FAM135B: variants seen among roughly 807,000 people sequenced by gnomAD.
The protein encoded by FAM135B is protein FAM135B.
Under a neutral mutation model 127.7 loss-of-function variants are expected in FAM135B, and 43 were observed. The ratio of observed to expected loss-of-function variants is 0.34; its 90% confidence interval spans 0.26 to 0.43. FAM135B has a LOEUF of 0.43. Among genes scored for constraint, FAM135B ranks in the 20% least tolerant of loss-of-function variants. The pLI is 1.00. For missense variants in FAM135B, 1,558 were observed against 1,725.6 expected (o/e 0.90, Z 1.72); for synonymous variants, 670 against 665.1 (o/e 1.01, Z -0.11).
At position 138,242,992 on chromosome 8, in the gene FAM135B, G is replaced by C. The variant is rs2130383885; in HGVS notation, c.619C>G (p.Leu207Val). 6.2e-7 allele frequency: 1 copy of C among 1,613,954 alleles called. No homozygotes were observed. Among genetic ancestry groups the C allele is most frequent in the Non-Finnish European group, 8.5e-7 (1 of 1,179,932 alleles). Residue 207 changes from leucine (L) to valine (V), a missense_variant, in exon 7 of 20, where the codon CTG (leucine) becomes GTG (valine). Leu to Val is a conservative substitution (Grantham distance 32). Coordinates refer to ENST00000395297, the MANE Select transcript of FAM135B (RefSeq NM_015912.4). The surrounding 1 kb of genome is among the most constrained non-coding windows in gnomAD (Gnocchi z 9.6). ...CCAGCTCCAAAGACCAAGTTTTCCA[G>C]AGAAATGATAGACTGTTCTTGTCCG... ...DTGQEQSIISLENLVFGAGYC... is the reference protein window; with the variant it reads ...DTGQEQSIISVENLVFGAGYC...
At chr8:138,438,044 C>A (rs895166855) in intron 1 of FAM135B, 1 of 152,170 alleles carries the variant, frequency 6.6e-6, no homozygotes, top group Non-Finnish European at 1.5e-5. Flanking sequence ...CCTGTAAAAA[C>A]ACCCGAGAGT....
chr8:138,202,084 C>A (rs2131171867), intron 7 of FAM135B, among the ~76,000 whole-genome samples: 1 of 143,886 alleles, frequency 6.9e-6, no homozygotes, highest in Non-Finnish European at 1.5e-5. Context: ...AAGATCACGC[C>A]ATTGCACTCC....
intron 1 of FAM135B, among the ~76,000 whole-genome samples, chr8:138,409,966 T>G (rs983257474): frequency 6.6e-5 from 10 of 151,718 alleles, no homozygotes; most frequent in Admixed American, 5.3e-4. Flanking sequence ...AGCTAGGACT[T>G]GAACCCCAAA....
At chr8:138,478,061 G>C (rs1043696902) in intron 1 of FAM135B, among the ~76,000 whole-genome samples, 2 of 152,128 alleles carry the variant, frequency 1.3e-5, no homozygotes, top group Non-Finnish European at 2.9e-5. Flanking sequence ...AAGCCATGTC[G>C]TGAGGTTTTT....
chr8:138,397,661 T>A (rs539743315), intron 1 of FAM135B, among the ~76,000 whole-genome samples: 35 of 152,282 alleles, frequency 2.3e-4, no homozygotes, highest in African/African-American at 8.2e-4. Flanking sequence ...AGCAGTGACA[T>A]CAAGGCTACC....
chr8:138,336,644 C>G (rs1185559202), intron 2 of FAM135B, among the ~76,000 whole-genome samples: 2 of 152,062 alleles, frequency 1.3e-5, no homozygotes, highest in Admixed American at 1.3e-4. Context: ...AAGTCCAGGA[C>G]CAGATGGATT....
At chr8:138,323,872 T>C (rs557216669) in intron 2 of FAM135B, among the ~76,000 whole-genome samples, 89 of 152,328 alleles carry the variant, frequency 5.8e-4, no homozygotes, top group African/African-American at 2.1e-3. Context: ...TGGACTTTTG[T>C]GTAGAAGTAA....
In FAM135B at chr8:138,162,925, A is replaced by T. The variant is rs539834353; in HGVS notation, c.1258+4970T>A. On this transcript the variant is annotated intron_variant, in intron 12 of 19. Coordinates refer to ENST00000395297, the MANE Select transcript of FAM135B (RefSeq NM_015912.4). ...CATAGATTCTTGGAATTAAAAAAAA[A>T]TTTTATCAGATTCATCACAGACAGT... is the stretch of plus-strand genomic sequence containing the variant. 5.9e-5 allele frequency among the ~76,000 whole-genome samples: 9 copies of T among 152,340 alleles called. No homozygotes were observed. In the East Asian group the frequency reaches 7.7e-4, roughly 13 times the overall value.
At chr8:138,491,463 C>T (rs1815196427) in intron 1 of FAM135B, among the ~76,000 whole-genome samples, 1 of 152,158 alleles carries the variant, frequency 6.6e-6, no homozygotes, top group Admixed American at 6.5e-5. Flanking sequence ...AATATTGCAG[C>T]TATGTAGGAA....
At chr8:138,394,099 A>G (rs1832735497) in intron 1 of FAM135B, among the ~76,000 whole-genome samples, 2 of 152,192 alleles carry the variant, frequency 1.3e-5, no homozygotes, top group South Asian at 4.1e-4. Flanking sequence ...GTGGTCCTTC[A>G]GCAAAGTTGG....
intron 2 of FAM135B, among the ~76,000 whole-genome samples, chr8:138,332,641 C>T (rs1828269972): frequency 6.6e-6 from 1 of 151,904 alleles, no homozygotes; most frequent in African/African-American, 2.4e-5. Flanking sequence ...AGGAGAAACC[C>T]GGTGAAAAGC....
intron 1 of FAM135B, among the ~76,000 whole-genome samples, chr8:138,370,633 G>A (rs546248516): frequency 9.8e-4 from 149 of 152,180 alleles, no homozygotes; most frequent in Middle Eastern, 6.8e-3. Context: ...CGTATTTTTA[G>A]TAGAGACGGG....
At chr8:138,419,712 C>T (rs1444793629) in intron 1 of FAM135B, among the ~76,000 whole-genome samples, 1 of 152,122 alleles carries the variant, frequency 6.6e-6, no homozygotes, top group East Asian at 1.9e-4. Context: ...CAAAACCATG[C>T]AATTACATGG....
At chr8:138,224,819 C>T (rs1370960979) in intron 7 of FAM135B, among the ~76,000 whole-genome samples, 1 of 152,060 alleles carries the variant, frequency 6.6e-6, no homozygotes, top group African/African-American at 2.4e-5. Context: ...ACACAGAATA[C>T]ACAAATCCTG....
chr8:138,397,225 A>C (rs1157057), intron 1 of FAM135B, among the ~76,000 whole-genome samples: 1 of 151,994 alleles, frequency 6.6e-6, no homozygotes, highest in Non-Finnish European at 1.5e-5. Flanking sequence ...ATTCCAGGGC[A>C]CAAAACCACC....
chr8:138,249,673 C>T (rs1461541493), intron 6 of FAM135B, among the ~76,000 whole-genome samples: 1 of 152,086 alleles, frequency 6.6e-6, no homozygotes, highest in African/African-American at 2.4e-5. Context: ...TACTCTCTGA[C>T]CCCAGCAGAG....
At chr8:138,177,306 G>A (rs2130963922) in intron 11 of FAM135B, 41 bp downstream of exon 11, 2 of 1,581,888 alleles carry the variant, frequency 1.3e-6, no homozygotes, top group Non-Finnish European at 1.7e-6. Context: ...GTCTTGGGTG[G>A]CTGCTTTTAG....
In FAM135B at chr8:138,242,945, T is replaced by G; in HGVS notation, c.666A>C (p.Ser222=). Residue 222 remains serine, a synonymous_variant, in exon 7 of 20, where the codon TCA becomes TCC. Transcript: ENST00000395297. The surrounding 1 kb of genome is among the most constrained non-coding windows in gnomAD (Gnocchi z 9.6). ...AACTGCCCCACACAGGCCTTACCTCTGAGGAAGTCGGCTTGCAGTACCCAG... is the reference window on the plus strand; with the variant it reads ...AACTGCCCCACACAGGCCTTACCTCGGAGGAAGTCGGCTTGCAGTACCCAG... ...FGAGYCKPTS[S]EGSFYITSEN... The G allele has an allele frequency of 6.2e-7, 1 of 1,613,488 alleles. No individual in the cohort carries two copies.
chr8:138,148,336 T>C (rs1362903341), intron 14 of FAM135B, among the ~76,000 whole-genome samples, 184 bp downstream of exon 14: 2 of 152,202 alleles, frequency 1.3e-5, no homozygotes, highest in African/African-American at 4.8e-5. Context: ...AGGTTTTTTG[T>C]GACAGAGAGA....
Sources: gnomAD v4.1 joint callset for allele counts (sites outside exome capture counted in the v4.1 genomes callset) on GRCh38, gnomAD v4.1.1 for gene constraint, Gnocchi (gnomAD v3.1) non-coding constraint, MANE v1.5 for transcripts, NCBI Gene and HGNC (gene_info 2026-07-23, HGNC 2026-07-21) for gene names.